METTL21A: variants seen among roughly 807,000 people sequenced by gnomAD.
The protein encoded by METTL21A is methyltransferase 21A, HSPA lysine.
METTL21A carries 22 observed loss-of-function variants against 20.9 expected under a neutral mutation model. The ratio of observed to expected loss-of-function variants is 1.05; its 90% confidence interval spans 0.75 to 1.50. METTL21A has a LOEUF of 1.50. METTL21A is among the 40% of genes most tolerant of loss of function. The pLI, the probability that METTL21A is intolerant of heterozygous loss-of-function variation, is 0.00. For missense variants in METTL21A, 271 were observed against 266.8 expected (o/e 1.02, Z -0.11); for synonymous variants, 93 against 102.0 (o/e 0.91, Z 0.53).
chr2:207,588,621 C>G (rs2084330202), intron 3 of METTL21A, among the ~76,000 whole-genome samples: 1 of 152,064 alleles, frequency 6.6e-6, no homozygotes, highest in African/African-American at 2.4e-5. Context: ...GAAGTCACAT[C>G]TTAGCAATAC....
At chr2:207,618,589 G>C (rs2107194100) in intron 3 of METTL21A, among the ~76,000 whole-genome samples, 1 of 152,226 alleles carries the variant, frequency 6.6e-6, no homozygotes, top group East Asian at 1.9e-4. Flanking sequence ...TGTAATCCCA[G>C]CTACTCAATG....
intron 3 of METTL21A, among the ~76,000 whole-genome samples, chr2:207,618,558 C>T (rs2090073093): frequency 6.6e-6 from 1 of 152,014 alleles, no homozygotes; most frequent in Admixed American, 6.6e-5. Flanking sequence ...AAAAAATTAG[C>T]CTGGTGCAGA....
chr2:207,625,573 G>C (rs926479561), upstream of METTL21A: 1 of 152,378 alleles, frequency 6.6e-6, no homozygotes, highest in African/African-American at 2.4e-5. Flanking sequence ...GAGGCGCTGT[G>C]GGGGCGGGAG....
intron 3 of METTL21A, chr2:207,600,262 T>C (rs571061116): frequency 3.6e-4 from 56 of 153,620 alleles, no homozygotes; most frequent in African/African-American, 9.9e-4. Context: ...TATATATATA[T>C]ACATACAGTA....
chr2:207,617,669 C>T (rs2089956376), intron 3 of METTL21A, among the ~76,000 whole-genome samples: 1 of 152,324 alleles, frequency 6.6e-6, no homozygotes, highest in East Asian at 1.9e-4. Flanking sequence ...ATCAATTTTG[C>T]ATTTCAGATG....
intron 3 of METTL21A, among the ~76,000 whole-genome samples, chr2:207,584,899 G>C (rs1406327312): frequency 6.6e-6 from 1 of 152,066 alleles, no homozygotes; most frequent in Non-Finnish European, 1.5e-5. Flanking sequence ...ATCTTTTGCA[G>C]AGCAAAAGGT....
chr2:207,608,278 C>CATTCCCAT (rs1354607654), downstream of METTL21A, among the ~76,000 whole-genome samples: 1 of 152,108 alleles, frequency 6.6e-6, no homozygotes, highest in African/African-American at 2.4e-5. Flanking sequence ...TTGGAAAAAG[C>CATTCCCAT]ATTCCCATAT....
downstream of METTL21A, chr2:207,612,087 C>CTTTTTT (rs57522071): frequency 5.3e-5 from 1 of 18,758 alleles, no homozygotes; most frequent in Non-Finnish European, 9.0e-5. Flanking sequence ...ATTTCAGGTG[C>CTTTTTT]TTTTTTTTTT....
At chr2:207,612,533 TAA>T (rs2089116376), downstream of METTL21A, 1 of 152,172 alleles carries the variant, frequency 6.6e-6, no homozygotes, top group South Asian at 2.1e-4. Flanking sequence ...CCTACTCAAC[TAA>T]AAGTGTTTAG....
At chr2:207,623,491 G>A (rs1036362388) in intron 2 of METTL21A, among the ~76,000 whole-genome samples, 2 of 152,162 alleles carry the variant, frequency 1.3e-5, no homozygotes, top group Non-Finnish European at 2.9e-5. Flanking sequence ...TACAACTATG[G>A]AAAACTTAAA....
chr2:207,604,849 G>A (rs1489321466), downstream of METTL21A, among the ~76,000 whole-genome samples: 3 of 152,068 alleles, frequency 2.0e-5, no homozygotes, highest in African/African-American at 7.2e-5. Context: ...TACTTCTTTC[G>A]TCTAGCTTTA....
intron 3 of METTL21A, among the ~76,000 whole-genome samples, chr2:207,615,032 T>C (rs2089503888): frequency 6.6e-6 from 1 of 152,208 alleles, no homozygotes; most frequent in Non-Finnish European, 1.5e-5. Flanking sequence ...CAATTTGACA[T>C]TTACAGTCCT....
At chr2:207,615,089 C>T (rs2089510750) in intron 3 of METTL21A, among the ~76,000 whole-genome samples, 1 of 152,158 alleles carries the variant, frequency 6.6e-6, no homozygotes, top group Non-Finnish European at 1.5e-5. Flanking sequence ...ATTTTACAAG[C>T]CTGAACCTAC....
chr2:207,613,397 A>C, exon 4 of METTL21A: 1 of 1,606,668 alleles, frequency 6.2e-7, no homozygotes, highest in East Asian at 2.2e-5. Flanking sequence ...CGTTTGATTT[A>C]AGAAATTCTA....
At chr2:207,619,420 T>A (rs2090202906) in intron 3 of METTL21A, among the ~76,000 whole-genome samples, 1 of 152,178 alleles carries the variant, frequency 6.6e-6, no homozygotes, top group African/African-American at 2.4e-5. Flanking sequence ...ACTCACTGAT[T>A]CTATTTTGAA....
rs1553508763 is a variant in METTL21A, at chr2:207,590,107, T to TTA, written c.260-7948_260-7947insTA. ...AGTTTTTTTTTTTTTTTTTTTTTTT[T>TTA]AATAGATACGGGATCATTCAGACTA... On this transcript the variant is annotated intron_variant, in intron 3 of 3. Coordinates refer to the METTL21A transcript ENST00000425132. Among the ~76,000 whole-genome samples the TTA allele has an allele frequency of 8.3e-4, 113 of 135,642 alleles. No individual in the cohort carries two copies. In the East Asian group the frequency reaches 9.1e-3, roughly 11 times the overall value. The allele number at this position is 135,642 out of a possible 152,430, so 89.0% of individuals were successfully genotyped here.
At chr2:207,601,898 A>G (rs2087120833) in intron 3 of METTL21A, 3 of 214,148 alleles carry the variant, frequency 1.4e-5, no homozygotes, top group Non-Finnish European at 9.4e-6. Context: ...TCTTAATGTA[A>G]TAATGTTGAC....
At chr2:207,599,895 T>C (rs2086748644) in intron 3 of METTL21A, 2 of 195,758 alleles carry the variant, frequency 1.0e-5, no homozygotes, top group South Asian at 1.9e-4. Context: ...CATATGCTAC[T>C]GATTTGCCTA....
intron 3 of METTL21A, chr2:207,615,831 C>T (rs1404678779): frequency 6.6e-6 from 1 of 151,892 alleles, no homozygotes; most frequent in East Asian, 1.9e-4. Context: ...TACATAAACA[C>T]ATATAGATTG....
Sources: gnomAD v4.1 joint callset for allele counts (sites outside exome capture counted in the v4.1 genomes callset) on GRCh38, gnomAD v4.1.1 for gene constraint, MANE v1.5 for transcripts, NCBI Gene and HGNC (gene_info 2026-07-23, HGNC 2026-07-21) for gene names.